MAP2K4: variants seen among roughly 807,000 people sequenced by gnomAD.
The protein encoded by MAP2K4 is mitogen-activated protein kinase kinase 4, also known as dual specificity mitogen-activated protein kinase kinase 4.
MAP2K4 carries 4 observed loss-of-function variants against 48.5 expected under a neutral mutation model. That is an observed-to-expected ratio of 0.08 (90% CI 0.04 to 0.19). MAP2K4 has a LOEUF of 0.19. Among genes scored for constraint, MAP2K4 ranks in the 10% least tolerant of loss-of-function variants. The pLI, the probability that MAP2K4 is intolerant of heterozygous loss-of-function variation, is 1.00. For missense variants in MAP2K4, 258 were observed against 493.3 expected, an observed-to-expected ratio of 0.52 and a Z score of 4.52; for synonymous variants, 166 against 173.1, an observed-to-expected ratio of 0.96 and a Z score of 0.32.
At chr17:12,104,597 A>T (rs1044896559) in intron 4 of MAP2K4, among the ~76,000 whole-genome samples, 1 of 151,702 alleles carries the variant, frequency 6.6e-6, no homozygotes, top group Non-Finnish European at 1.5e-5. Flanking sequence ...AATTCTACTG[A>T]GTTTGGTCTT....
At chr17:12,031,285 TTC>T (rs1216723298) in intron 1 of MAP2K4, among the ~76,000 whole-genome samples, 1 of 152,250 alleles carries the variant, frequency 6.6e-6, no homozygotes, top group African/African-American at 2.4e-5. Flanking sequence ...AGATGGCATC[TTC>T]TTAGAATCCT....
intron 9 of MAP2K4, among the ~76,000 whole-genome samples, chr17:12,136,489 A>C (rs980490549): frequency 1.1e-4 from 16 of 152,350 alleles, no homozygotes; most frequent in African/African-American, 3.8e-4. Context: ...GAGATGCTGG[A>C]AATGTCCTAT....
chr17:12,114,944 T>C (rs1449204330), intron 7 of MAP2K4, among the ~76,000 whole-genome samples: 1 of 152,204 alleles, frequency 6.6e-6, no homozygotes, highest in Non-Finnish European at 1.5e-5. Flanking sequence ...CCTCTAATCT[T>C]TACTGGACCA....
chr17:12,114,894 G>T (rs1972436801), intron 7 of MAP2K4, among the ~76,000 whole-genome samples: 1 of 152,194 alleles, frequency 6.6e-6, no homozygotes, highest in South Asian at 2.1e-4. Flanking sequence ...TTTTCTTGCT[G>T]ACCTTCATCT....
chr17:12,108,504 T>C (rs1972200453), intron 5 of MAP2K4, among the ~76,000 whole-genome samples: 2 of 152,144 alleles, frequency 1.3e-5, no homozygotes, highest in African/African-American at 2.4e-5. Flanking sequence ...TTTTTACATA[T>C]GTGTTTATAG....
chr17:12,043,813 T>G (rs1399205841), intron 1 of MAP2K4, among the ~76,000 whole-genome samples: 1 of 152,034 alleles, frequency 6.6e-6, no homozygotes, highest in African/African-American at 2.4e-5. Context: ...CGAACCCTAT[T>G]GTTAGGGGTT....
chr17:12,105,818 TC>T (rs1423267999), intron 4 of MAP2K4, among the ~76,000 whole-genome samples: 1 of 152,126 alleles, frequency 6.6e-6, no homozygotes, highest in African/African-American at 2.4e-5. Context: ...CCCCTTCTCA[TC>T]TTCAGTTCTC....
At chr17:12,086,648 G>T (rs1396842643) in intron 3 of MAP2K4, among the ~76,000 whole-genome samples, 1 of 152,088 alleles carries the variant, frequency 6.6e-6, no homozygotes, top group African/African-American at 2.4e-5. Context: ...ATTAATAGGG[G>T]TACAATTAAG....
intron 1 of MAP2K4, among the ~76,000 whole-genome samples, chr17:12,046,092 A>G (rs1969954238): frequency 6.6e-6 from 1 of 152,218 alleles, no homozygotes; most frequent in Admixed American, 6.5e-5. Context: ...CGTTCTTATT[A>G]AGGACTGTGA....
chr17:12,057,042 A>C (rs1970301423), intron 2 of MAP2K4, among the ~76,000 whole-genome samples: 1 of 152,172 alleles, frequency 6.6e-6, no homozygotes, highest in Non-Finnish European at 1.5e-5. Flanking sequence ...ATCTGGTTTC[A>C]GATCTCCTTG....
chr17:12,075,039 G>A (rs1970953326), intron 2 of MAP2K4, among the ~76,000 whole-genome samples: 2 of 152,326 alleles, frequency 1.3e-5, no homozygotes, highest in East Asian at 1.9e-4. Flanking sequence ...CTCACTGTGA[G>A]ATGGAAACAG....
intron 3 of MAP2K4, chr17:12,095,319 A>G (rs1971698838): frequency 2.1e-6 from 1 of 466,918 alleles, no homozygotes; most frequent in African/African-American, 2.0e-5. Context: ...ATAACTCCCA[A>G]CATTATTAGT....
chr17:12,067,695 G>C (rs1352132199), intron 2 of MAP2K4, among the ~76,000 whole-genome samples: 1 of 152,210 alleles, frequency 6.6e-6, no homozygotes, highest in African/African-American at 2.4e-5. Flanking sequence ...AGAGCTTTGG[G>C]AGCAAGTCAT....
chr17:12,028,104 T>G (rs1969319004), intron 1 of MAP2K4, among the ~76,000 whole-genome samples: 1 of 152,214 alleles, frequency 6.6e-6, no homozygotes, highest in Non-Finnish European at 1.5e-5. Flanking sequence ...TTGAGGCTCA[T>G]AGAAGTTAGA....
chr17:12,112,165 T>TA (rs1230558541), intron 6 of MAP2K4, among the ~76,000 whole-genome samples: 1 of 152,046 alleles, frequency 6.6e-6, no homozygotes, highest in Non-Finnish European at 1.5e-5. Flanking sequence ...ACAGGTTCTG[T>TA]TAGAAAGTAT....
At chr17:12,089,009 T>C (rs779045990) in intron 3 of MAP2K4, among the ~76,000 whole-genome samples, 66 of 151,808 alleles carry the variant, frequency 4.3e-4, no homozygotes, top group Non-Finnish European at 8.1e-4. Flanking sequence ...CCTCCCGGGT[T>C]CACGCCATTC....
At chr17:12,072,048 C>T (rs544310355) in intron 2 of MAP2K4, among the ~76,000 whole-genome samples, 10 of 152,286 alleles carry the variant, frequency 6.6e-5, no homozygotes, top group Admixed American at 2.6e-4. Flanking sequence ...CCAATGTAGA[C>T]GCTGGAGCTG....
chr17:12,082,187 T>C (rs11654465), intron 3 of MAP2K4, among the ~76,000 whole-genome samples: 33,858 of 151,700 alleles, frequency 0.22, 3,968 homozygotes, highest in Middle Eastern at 0.26. Flanking sequence ...CCATAGACAA[T>C]ACCTGGCAAG....
intron 3 of MAP2K4, among the ~76,000 whole-genome samples, chr17:12,094,621 A>C (rs1254599638): frequency 6.6e-6 from 1 of 152,182 alleles, no homozygotes; most frequent in Non-Finnish European, 1.5e-5. Context: ...TTTGATGTTA[A>C]ACTATAATTT....
Sources: allele counts gnomAD v4.1 joint callset (sites outside exome capture counted in the v4.1 genomes callset), GRCh38; gene constraint gnomAD v4.1.1; transcripts MANE v1.5; gene names NCBI Gene and HGNC (gene_info 2026-07-23, HGNC 2026-07-21).